Variants in KDM4C observed in about 807,000 individuals in gnomAD.
KDM4C encodes lysine demethylase 4C.
KDM4C carries 81 observed loss-of-function variants against 129.3 expected under a neutral mutation model. The ratio of observed to expected loss-of-function variants is 0.63; its 90% CI spans 0.52 to 0.75. The LOEUF is 0.75. Among genes scored for constraint, KDM4C ranks in the 30% least tolerant of loss-of-function variants. KDM4C has a pLI of 0.00. For missense variants in KDM4C, 1,457 were observed against 1,304.0 expected (o/e 1.12, Z -1.81); for synonymous variants, 573 against 456.1 (o/e 1.26, Z -3.26).
intron 18 of KDM4C, among the ~76,000 whole-genome samples, chr9:7,127,204 G>A (rs909738527): frequency 1.3e-5 from 2 of 152,280 alleles, no homozygotes; most frequent in Non-Finnish European, 2.9e-5. Flanking sequence ...AAACTCAACG[G>A]ACACTAATTC....
chr9:6,991,929 C>T (rs1000526493), intron 12 of KDM4C, among the ~76,000 whole-genome samples: 2 of 151,944 alleles, frequency 1.3e-5, no homozygotes, highest in Non-Finnish European at 2.9e-5. Context: ...TTGTATGAAA[C>T]CAATCCAGGG....
At chr9:6,783,724 T>G (rs1824863187) in intron 1 of KDM4C, among the ~76,000 whole-genome samples, 1 of 152,122 alleles carries the variant, frequency 6.6e-6, no homozygotes, top group Non-Finnish European at 1.5e-5. Context: ...GCTTTTCTGG[T>G]TTCAGAGGCT....
At chr9:6,782,617 T>C (rs1023500531) in intron 1 of KDM4C, among the ~76,000 whole-genome samples, 1 of 152,102 alleles carries the variant, frequency 6.6e-6, no homozygotes, top group Non-Finnish European at 1.5e-5. Context: ...GCTTCACTCC[T>C]TTGGGAACAT....
intron 15 of KDM4C, among the ~76,000 whole-genome samples, chr9:7,017,178 C>A (rs1823853452): frequency 6.6e-6 from 1 of 152,176 alleles, no homozygotes; most frequent in Non-Finnish European, 1.5e-5. Context: ...CTCAAGTGAT[C>A]CTCTCACCTT....
intron 19 of KDM4C, among the ~76,000 whole-genome samples, chr9:7,158,789 A>G (rs112815648): frequency 0.039 from 5,991 of 152,166 alleles, 190 homozygotes; most frequent in East Asian, 0.15. Flanking sequence ...AATAAGTGCA[A>G]TGTGGTGTTG....
intron 8 of KDM4C, among the ~76,000 whole-genome samples, chr9:6,913,115 G>T (rs934291531): frequency 2.6e-5 from 4 of 152,138 alleles, no homozygotes; most frequent in Non-Finnish European, 5.9e-5. Context: ...AGTAACGATG[G>T]TTTTAGTTCT....
At chr9:7,093,550 G>C (rs960265520) in intron 17 of KDM4C, among the ~76,000 whole-genome samples, 5 of 152,064 alleles carry the variant, frequency 3.3e-5, no homozygotes, top group Non-Finnish European at 7.4e-5. Context: ...GCATTGGATG[G>C]TCCGCATTTT....
chr9:6,790,491 T>C (rs1826344221), intron 1 of KDM4C, among the ~76,000 whole-genome samples: 1 of 151,002 alleles, frequency 6.6e-6, no homozygotes, highest in Non-Finnish European at 1.5e-5. Flanking sequence ...TGACCTCAAC[T>C]GATCCGCCCG....
chr9:6,770,160 C>T (rs554838548), intron 1 of KDM4C, among the ~76,000 whole-genome samples: 126 of 148,712 alleles, frequency 8.5e-4, no homozygotes, highest in African/African-American at 3.0e-3. Flanking sequence ...GCCTGGGCAA[C>T]GAGAGTGAAA....
At chr9:6,811,453 C>A (rs1051668578) in intron 3 of KDM4C, among the ~76,000 whole-genome samples, 1 of 152,138 alleles carries the variant, frequency 6.6e-6, no homozygotes, top group East Asian at 1.9e-4. Context: ...TTCTTTAGCA[C>A]CTGACCTGGC....
At chr9:7,123,887 C>T (rs1268482650) in intron 18 of KDM4C, among the ~76,000 whole-genome samples, 2 of 152,142 alleles carry the variant, frequency 1.3e-5, no homozygotes, top group Non-Finnish European at 2.9e-5. Flanking sequence ...CTGGACTGAT[C>T]CTTGTCAGTG....
At chr9:6,721,512 G>A (rs1357362003) in intron 1 of KDM4C, among the ~76,000 whole-genome samples, 2 of 151,270 alleles carry the variant, frequency 1.3e-5, no homozygotes, top group Non-Finnish European at 2.9e-5. Flanking sequence ...TCAAACTCCT[G>A]GCCTTAAGCG....
At chr9:6,950,642 C>G (rs1227193960) in intron 8 of KDM4C, among the ~76,000 whole-genome samples, 3 of 152,196 alleles carry the variant, frequency 2.0e-5, no homozygotes, top group Non-Finnish European at 4.4e-5. Flanking sequence ...TGATTAAACT[C>G]AAAACTAGCT....
chr9:6,818,161 C>T (rs1832464683), intron 4 of KDM4C, among the ~76,000 whole-genome samples: 1 of 152,124 alleles, frequency 6.6e-6, no homozygotes. Context: ...TTCATGTTTA[C>T]CACCAAAGAG....
In KDM4C at chr9:6,832,699, A is replaced by G. The variant is rs1266060845; in HGVS notation, c.436-16808A>G. Reference sequence around the variant, plus strand: ...CTCGGCCTCCCAAAGTGCTGGGATTATAGGCGTGAGCCACTGTGCCCGGCC... The same window carrying G: ...CTCGGCCTCCCAAAGTGCTGGGATTGTAGGCGTGAGCCACTGTGCCCGGCC... On this transcript the variant is annotated intron_variant, in intron 4 of 21. Transcript: ENST00000381309. 3.4e-5 allele frequency among the ~76,000 whole-genome samples: 5 copies of G among 148,410 alleles called. No individual in the cohort carries two copies. The South Asian group carries it at 6.4e-4, about 19-fold the overall frequency.
chr9:7,008,328 A>G (rs1019671264), intron 12 of KDM4C, among the ~76,000 whole-genome samples: 1 of 152,132 alleles, frequency 6.6e-6, no homozygotes, highest in Admixed American at 6.5e-5. Flanking sequence ...CCTCAAGACT[A>G]GCTCAAGTGT....
At chr9:6,819,531 C>T (rs1177503724) in intron 4 of KDM4C, among the ~76,000 whole-genome samples, 1 of 152,182 alleles carries the variant, frequency 6.6e-6, no homozygotes, top group Admixed American at 6.5e-5. Flanking sequence ...AAGCATTTAG[C>T]AGCTCCTGAG....
chr9:6,794,466 C>T (rs1827341308), intron 2 of KDM4C, among the ~76,000 whole-genome samples: 2 of 152,112 alleles, frequency 1.3e-5, no homozygotes, highest in Non-Finnish European at 2.9e-5. Context: ...CACTGACAGG[C>T]TTAAAGTGGG....
intron 12 of KDM4C, among the ~76,000 whole-genome samples, chr9:7,010,004 A>G (rs1030541030): frequency 1.2e-4 from 18 of 152,234 alleles, no homozygotes; most frequent in African/African-American, 4.3e-4. Context: ...ATTTACTACT[A>G]TAAACATAAA....
Sources: gnomAD v4.1 joint callset for allele counts (sites outside exome capture counted in the v4.1 genomes callset) on GRCh38, gnomAD v4.1.1 for gene constraint, MANE v1.5 for transcripts, NCBI Gene and HGNC (gene_info 2026-07-23, HGNC 2026-07-21) for gene names.